LONRF3: variants seen among roughly 807,000 people sequenced by gnomAD.
LONRF3 encodes LON peptidase N-terminal domain and ring finger 3, also known as LON peptidase N-terminal domain and RING finger protein 3.
LONRF3 carries 19 observed loss-of-function variants against 51.7 expected under a neutral mutation model. The ratio of observed to expected loss-of-function variants is 0.37; its 90% CI spans 0.26 to 0.54. The LOEUF (loss-of-function observed/expected upper bound fraction) is 0.54, where lower values mean the gene tolerates loss of function less well. Ranked by LOEUF, LONRF3 falls within the 20% of genes least tolerant of loss-of-function variation. The pLI is 0.86. For synonymous variants in LONRF3, 265 were observed against 257.8 expected (o/e 1.03, Z -0.27); for missense variants, 521 against 623.9 (o/e 0.84, Z 1.76).
chrX:118,999,026 C>T (rs771242137), intron 5 of LONRF3, among the ~76,000 whole-genome samples: 17 of 112,649 alleles, frequency 1.5e-4, no homozygotes, highest in East Asian at 2.8e-4. Flanking sequence ...GATATTTCCT[C>T]GCCCTTTATG....
chrX:118,976,155 C>G (rs2147261908), intron 1 of LONRF3, among the ~76,000 whole-genome samples: 1 of 113,204 alleles, frequency 8.8e-6, no homozygotes, highest in South Asian at 3.6e-4. Flanking sequence ...GGGTGTTGCC[C>G]CTTCCGGGGC....
chrX:118,979,547 C>T (rs1024635008), intron 2 of LONRF3, among the ~76,000 whole-genome samples: 3 of 112,037 alleles, frequency 2.7e-5, no homozygotes, highest in African/African-American at 9.7e-5. Context: ...GCCTCAGTCT[C>T]CCAAAATGCT....
intron 3 of LONRF3, among the ~76,000 whole-genome samples, chrX:118,986,669 C>T (rs760063283): frequency 8.9e-6 from 1 of 112,099 alleles, no homozygotes; most frequent in African/African-American, 3.2e-5. Context: ...ATCCAGATTC[C>T]TGGGCCACAC....
chrX:118,984,321 A>T (rs1727357226), intron 3 of LONRF3, among the ~76,000 whole-genome samples: 1 of 112,444 alleles, frequency 8.9e-6, no homozygotes, highest in African/African-American at 3.2e-5. Flanking sequence ...CCACAGCCTT[A>T]GCACTCACTG....
chrX:118,974,754 C>G lies in LONRF3; in HGVS notation c.-27C>G. ...CTTCGTGTCCCCGGTCCCTAGACGC[C>G]TCGTCTCCTCCCGTGTCCCTCTTCC... On this transcript the variant is annotated 5_prime_UTR_variant, in exon 1 of 11. Transcript: ENST00000371628. 8.7e-7 allele frequency: 1 copy of G among 1,144,250 alleles called. No homozygotes were observed. Among genetic ancestry groups the G allele is most frequent in the Non-Finnish European group, 1.2e-6 (1 of 855,776 alleles). The allele number at this position is 1,144,250 out of a possible 1,213,427, so 94.3% of individuals were successfully genotyped here.
intron 3 of LONRF3, among the ~76,000 whole-genome samples, chrX:118,988,799 C>CT (rs67313203): frequency 3.3e-3 from 302 of 91,247 alleles, no homozygotes; most frequent in East Asian, 0.013. Flanking sequence ...GTGATTTTGT[C>CT]TTTTTTTTTT....
rs967262822 is a variant in LONRF3 at position 118,990,569 on chromosome X, T to C, written c.1415+9T>C. 8.5e-7 allele frequency: 1 copy of C among 1,170,249 alleles called. No individual in the cohort carries two copies. The highest frequency in any genetic ancestry group is 1.8e-5 in the African/African-American group (1 of 57,088). On this transcript the variant is annotated intron_variant, in intron 5 of 10. Transcript: ENST00000371628. ...TGCGCTCTATGTATGAGGTACGTCCTGTGTACTATCATTTACTTCCTGATG... is the reference window on the plus strand; with the variant it reads ...TGCGCTCTATGTATGAGGTACGTCCCGTGTACTATCATTTACTTCCTGATG...
At chrX:119,006,465 A>G (rs1443950000) in intron 6 of LONRF3, among the ~76,000 whole-genome samples, 2 of 99,133 alleles carry the variant, frequency 2.0e-5, no homozygotes, top group Non-Finnish European at 3.9e-5. Context: ...CAGTGGCGTG[A>G]TCGCGGGTCA....
intron 10 of LONRF3, among the ~76,000 whole-genome samples, chrX:119,016,471 C>A (rs1042208199): frequency 9.3e-6 from 1 of 108,073 alleles, no homozygotes; most frequent in Non-Finnish European, 1.9e-5. Flanking sequence ...CCTCAGCCTC[C>A]GGAGTAGCTG....
chrX:118,999,277 G>C (rs1440988784), intron 5 of LONRF3, among the ~76,000 whole-genome samples: 2 of 111,294 alleles, frequency 1.8e-5, no homozygotes, highest in Non-Finnish European at 3.8e-5. Flanking sequence ...TGTGGGTGGA[G>C]TGGGCTAGGG....
At chrX:119,007,512 ATC>A (rs2147302046) in intron 6 of LONRF3, among the ~76,000 whole-genome samples, 1 of 112,473 alleles carries the variant, frequency 8.9e-6, no homozygotes, top group South Asian at 3.7e-4. Context: ...CTGAGAATCT[ATC>A]TTGTTTTCCC....
At chrX:118,997,978 G>C (rs1411835341) in intron 5 of LONRF3, among the ~76,000 whole-genome samples, 1 of 112,293 alleles carries the variant, frequency 8.9e-6, no homozygotes, top group Non-Finnish European at 1.9e-5. Flanking sequence ...AACAGTAGAT[G>C]CTGGCATGGA....
At chrX:118,979,872 G>C (rs1922419755) in intron 2 of LONRF3, among the ~76,000 whole-genome samples, 1 of 112,043 alleles carries the variant, frequency 8.9e-6, no homozygotes, top group Admixed American at 9.4e-5. Flanking sequence ...AGGATGCAAA[G>C]TGTCACTTTC....
intron 3 of LONRF3, among the ~76,000 whole-genome samples, chrX:118,983,971 G>A (rs1349266334): frequency 8.9e-6 from 1 of 112,247 alleles, no homozygotes; most frequent in African/African-American, 3.2e-5. Context: ...ACGGTTCGGG[G>A]AGAATTGCTT....
chrX:119,001,831 T>C (rs1924339540), intron 5 of LONRF3, among the ~76,000 whole-genome samples: 1 of 112,842 alleles, frequency 8.9e-6, no homozygotes, highest in Admixed American at 9.4e-5. Flanking sequence ...GCTATATCTT[T>C]GTTATTTTAG....
chrX:118,990,978 C>T (rs1440899729), intron 5 of LONRF3, among the ~76,000 whole-genome samples: 1 of 111,520 alleles, frequency 9.0e-6, no homozygotes, highest in Non-Finnish European at 1.9e-5. Flanking sequence ...GTGCCTCAGC[C>T]TCTTAAGTAG....
At chrX:118,981,064 A>C (rs1922512444) in intron 2 of LONRF3, among the ~76,000 whole-genome samples, 1 of 111,441 alleles carries the variant, frequency 9.0e-6, no homozygotes, top group Admixed American at 9.5e-5. Flanking sequence ...AAAATGCCCC[A>C]AGTGTAGGGG....
intron 5 of LONRF3, among the ~76,000 whole-genome samples, chrX:119,004,389 G>A (rs1293968237): frequency 2.7e-5 from 3 of 112,390 alleles, no homozygotes; most frequent in Non-Finnish European, 3.8e-5. Context: ...GCTGAATCTG[G>A]AACTTTAGCC....
intron 6 of LONRF3, 46 bp from the exon 7 acceptor site, chrX:119,009,080 A>G (rs2168379): frequency 0.38 from 427,397 of 1,116,419 alleles, 60,389 homozygotes; most frequent in African/African-American, 0.74. Context: ...GCTGATTGCT[A>G]CGTATTACCT....
Sources: allele counts gnomAD v4.1 joint callset (sites outside exome capture counted in the v4.1 genomes callset), GRCh38; gene constraint gnomAD v4.1.1; transcripts MANE v1.5; gene names NCBI Gene and HGNC (gene_info 2026-07-23, HGNC 2026-07-21).